Variants in SNX7 observed in about 807,000 individuals in gnomAD.
The protein encoded by SNX7 is sorting nexin 7.
SNX7 carries 35 observed loss-of-function variants against 48.4 expected under a neutral mutation model. That is an observed-to-expected ratio of 0.72 (90% confidence interval 0.55 to 0.96). The LOEUF (loss-of-function observed/expected upper bound fraction) is 0.96. Ranked by LOEUF, SNX7 falls within the 40% of genes least tolerant of loss-of-function variation. The pLI is 0.00. For synonymous variants in SNX7, 190 were observed against 190.2 expected, an observed-to-expected ratio of 1.00 and a Z score of 0.01; for missense variants, 553 against 548.9, an observed-to-expected ratio of 1.01 and a Z score of -0.07.
chr1:98,756,724 T>C, intron 8 of SNX7, among the ~76,000 whole-genome samples: 1 of 152,014 alleles, frequency 6.6e-6, no homozygotes, highest in African/African-American at 2.4e-5. Context: ...GAACTCTAGC[T>C]GCATTTTCTC....
At chr1:98,721,694 C>T (rs1213138466) in intron 7 of SNX7, among the ~76,000 whole-genome samples, 1 of 151,694 alleles carries the variant, frequency 6.6e-6, no homozygotes, top group Non-Finnish European at 1.5e-5. Flanking sequence ...AGAAAATTGG[C>T]CTGTGAAGTT....
At chr1:98,684,522 G>T (rs1570509864) in intron 1 of SNX7, among the ~76,000 whole-genome samples, 1 of 152,128 alleles carries the variant, frequency 6.6e-6, no homozygotes, top group South Asian at 2.1e-4. Context: ...TTATAAGGTG[G>T]CTAGTACCAT....
chr1:98,668,882 C>T (rs1189006956), intron 1 of SNX7, among the ~76,000 whole-genome samples: 2 of 152,132 alleles, frequency 1.3e-5, no homozygotes, highest in African/African-American at 4.8e-5. Flanking sequence ...TGAATTCTGT[C>T]ACTAAAAATG....
At chr1:98,730,531 A>G (rs1653456541) in intron 7 of SNX7, among the ~76,000 whole-genome samples, 1 of 152,114 alleles carries the variant, frequency 6.6e-6, no homozygotes, top group Non-Finnish European at 1.5e-5. Context: ...AAAGCTTCTT[A>G]AGCTGATAAA....
At chr1:98,714,994 T>G (rs957105444) in intron 7 of SNX7, among the ~76,000 whole-genome samples, 4 of 152,204 alleles carry the variant, frequency 2.6e-5, no homozygotes, top group African/African-American at 9.6e-5. Context: ...GAGAATAAGT[T>G]GTAAATCTAA....
intron 4 of SNX7, among the ~76,000 whole-genome samples, chr1:98,692,604 A>G (rs981568840): frequency 2.0e-5 from 3 of 152,140 alleles, no homozygotes; most frequent in Admixed American, 2.0e-4. Context: ...CACCCAATTT[A>G]ATGGAGAGAT....
Position 98,760,340 on chromosome 1 carries a change from A to G in SNX7, c.*209A>G, listed in dbSNP as rs1655052361. 2.4e-6 allele frequency: 1 copy of G among 411,218 alleles called. No homozygotes were observed. The highest frequency in any genetic ancestry group is 4.4e-6 in the Non-Finnish European group (1 of 229,384). The allele number at this position is 411,218 out of a possible 1,614,324, so 25.5% of individuals were successfully genotyped here. A position where few individuals can be genotyped will look rare whatever the true frequency, so the allele number is the denominator to read the frequency against. On this transcript the variant is annotated 3_prime_UTR_variant, in exon 9 of 9. Coordinates refer to ENST00000306121, the MANE Select transcript of SNX7 (RefSeq NM_015976.5). ...TATGGATATATATCTATATGTATATAGATATATAAATACAGAGAGATATCT... is the reference window on the plus strand; with the variant it reads ...TATGGATATATATCTATATGTATATGGATATATAAATACAGAGAGATATCT...
intron 5 of SNX7, 75 bp from the exon 6 acceptor site, chr1:98,698,631 C>G (rs1202251670): frequency 7.6e-7 from 1 of 1,322,156 alleles, no homozygotes; most frequent in South Asian, 1.4e-5. Context: ...AAGGCCCTTT[C>G]TTACTCTCTA....
intron 7 of SNX7, among the ~76,000 whole-genome samples, chr1:98,702,602 C>A (rs567810388): frequency 6.5e-4 from 99 of 152,006 alleles, no homozygotes; most frequent in South Asian, 2.9e-3. Context: ...GTAATACTAT[C>A]AGGTTGGAAT....
intron 8 of SNX7, among the ~76,000 whole-genome samples, chr1:98,745,367 C>A (rs887710401): frequency 6.6e-6 from 1 of 151,870 alleles, no homozygotes; most frequent in South Asian, 2.1e-4. Context: ...CCGGAGTTAT[C>A]CAGGACAGGG....
chr1:98,754,529 C>T (rs1654749980), intron 8 of SNX7, among the ~76,000 whole-genome samples: 1 of 152,012 alleles, frequency 6.6e-6, no homozygotes, highest in South Asian at 2.1e-4. Context: ...TTATTGGTTT[C>T]TTCTGTGGTG....
chr1:98,707,823 C>T (rs1652089410), intron 7 of SNX7, among the ~76,000 whole-genome samples: 1 of 152,134 alleles, frequency 6.6e-6, no homozygotes, highest in African/African-American at 2.4e-5. Flanking sequence ...CAGCCACATT[C>T]AGTAGATAGA....
intron 4 of SNX7, among the ~76,000 whole-genome samples, chr1:98,694,187 G>A (rs1651305468): frequency 6.6e-6 from 1 of 151,660 alleles, no homozygotes; most frequent in African/African-American, 2.4e-5. Flanking sequence ...TGGCTAACAC[G>A]GTGAAACCCC....
chr1:98,722,471 A>G (rs1038758601), intron 7 of SNX7, among the ~76,000 whole-genome samples: 1 of 152,158 alleles, frequency 6.6e-6, no homozygotes, highest in Non-Finnish European at 1.5e-5. Context: ...GGTAGCTGTC[A>G]GATTAGAAAT....
At chr1:98,696,108 C>A (rs1487426254) in intron 5 of SNX7, among the ~76,000 whole-genome samples, 1 of 151,642 alleles carries the variant, frequency 6.6e-6, no homozygotes, top group African/African-American at 2.4e-5. Flanking sequence ...CTGTATTAAA[C>A]CTGTCGAAGT....
At chr1:98,757,613 A>G (rs1654914159) in intron 8 of SNX7, among the ~76,000 whole-genome samples, 1 of 151,832 alleles carries the variant, frequency 6.6e-6, no homozygotes, top group South Asian at 2.1e-4. Flanking sequence ...TCAGTCCATA[A>G]CACTGGGGTA....
intron 8 of SNX7, among the ~76,000 whole-genome samples, chr1:98,754,227 A>G (rs902262181): frequency 6.6e-6 from 1 of 152,068 alleles, no homozygotes; most frequent in Non-Finnish European, 1.5e-5. Flanking sequence ...TTTGGTTATG[A>G]TGCATAATTC....
intron 1 of SNX7, among the ~76,000 whole-genome samples, chr1:98,680,217 C>G (rs1377336608): frequency 6.6e-6 from 1 of 152,210 alleles, no homozygotes; most frequent in Non-Finnish European, 1.5e-5. Flanking sequence ...ATGACCTGAG[C>G]TCTATGTTGG....
chr1:98,735,697 A>G (rs1653737211), intron 7 of SNX7, among the ~76,000 whole-genome samples: 4 of 152,152 alleles, frequency 2.6e-5, no homozygotes, highest in Admixed American at 2.6e-4. Context: ...AAGTCAATTA[A>G]TGGTCATTGT....
Sources: allele counts gnomAD v4.1 joint callset (sites outside exome capture counted in the v4.1 genomes callset), GRCh38; gene constraint gnomAD v4.1.1; transcripts MANE v1.5; gene names NCBI Gene and HGNC (gene_info 2026-07-23, HGNC 2026-07-21).